Variants in DNAJC1 observed in about 807,000 individuals in gnomAD.
DNAJC1 encodes the protein dnaJ homolog subfamily C member 1.
Under a neutral mutation model 76.6 loss-of-function variants are expected in DNAJC1, and 58 were observed. The observed-to-expected ratio is 0.76, with a 90% confidence interval of 0.61 to 0.94. The LOEUF (loss-of-function observed/expected upper bound fraction) is 0.94, where lower values mean the gene tolerates loss of function less well. Among genes scored for constraint, DNAJC1 ranks in the 40% least tolerant of loss-of-function variants. DNAJC1 has a pLI of 0.00. For synonymous variants in DNAJC1, 258 were observed against 267.9 expected (o/e 0.96, Z 0.36); for missense variants, 689 against 677.3 (o/e 1.02, Z -0.19).
intron 10 of DNAJC1, among the ~76,000 whole-genome samples, chr10:21,760,093 A>AT (rs1310382794): frequency 6.6e-6 from 1 of 152,202 alleles, no homozygotes; most frequent in African/African-American, 2.4e-5. Flanking sequence ...TACAGTAAGA[A>AT]TTTTTAAACA....
chr10:21,937,705 T>C (rs1029634718), intron 1 of DNAJC1, among the ~76,000 whole-genome samples: 13 of 152,138 alleles, frequency 8.5e-5, no homozygotes, highest in African/African-American at 3.1e-4. Flanking sequence ...AGATATACCC[T>C]ATTTTAGGCT....
intron 1 of DNAJC1, among the ~76,000 whole-genome samples, chr10:21,946,671 C>T (rs1052833865): frequency 4.6e-5 from 7 of 152,014 alleles, no homozygotes; most frequent in Admixed American, 2.0e-4. Flanking sequence ...TAAGTACATA[C>T]GCAACAGAAA....
intron 9 of DNAJC1, among the ~76,000 whole-genome samples, chr10:21,781,444 G>A (rs903141608): frequency 3.3e-5 from 5 of 152,140 alleles, no homozygotes; most frequent in East Asian, 3.9e-4. Flanking sequence ...CTCACTCGCC[G>A]GGCGCGGTGG....
chr10:21,837,172 C>A (rs574472926), intron 8 of DNAJC1, among the ~76,000 whole-genome samples: 2 of 152,236 alleles, frequency 1.3e-5, no homozygotes, highest in Non-Finnish European at 2.9e-5. Context: ...CTCGGCCTCC[C>A]GAGGTGCCGG....
chr10:21,997,880 T>C (rs1484825635), intron 1 of DNAJC1, among the ~76,000 whole-genome samples: 1 of 152,186 alleles, frequency 6.6e-6, no homozygotes, highest in East Asian at 1.9e-4. Flanking sequence ...ATGAAGCACA[T>C]TTTCTAGCTA....
At chr10:21,987,099 G>A (rs372357905) in intron 1 of DNAJC1, among the ~76,000 whole-genome samples, 10 of 151,920 alleles carry the variant, frequency 6.6e-5, no homozygotes, top group Admixed American at 2.0e-4. Flanking sequence ...ATATCAATTC[G>A]GAAGCCAAAT....
chr10:21,811,164 T>TACCCC (rs1834959333), intron 8 of DNAJC1, among the ~76,000 whole-genome samples: 1 of 152,112 alleles, frequency 6.6e-6, no homozygotes, highest in African/African-American at 2.4e-5. Flanking sequence ...GCTCACGGGG[T>TACCCC]GACCCACCGC....
Position 21,876,150 on chromosome 10 carries a change from G to A in DNAJC1, c.978+6132C>T, listed in dbSNP as rs1836185131. 2.7e-5 allele frequency among the ~76,000 whole-genome samples: 4 copies of A among 149,474 alleles called. No individual in the cohort carries two copies. The South Asian group carries it at 8.5e-4, about 32-fold the overall frequency. On this transcript the variant is annotated intron_variant, in intron 8 of 11. Coordinates refer to ENST00000376980, the MANE Select transcript of DNAJC1 (RefSeq NM_022365.4). ...TTTTTTGAGACAGTCTTGCTCTGTC[G>A]CCTATGCTGGAGTGCAGTGGCATGA...
At chr10:21,802,352 T>C (rs1834823086) in intron 9 of DNAJC1, among the ~76,000 whole-genome samples, 4 of 152,140 alleles carry the variant, frequency 2.6e-5, no homozygotes, top group Admixed American at 2.0e-4. Flanking sequence ...ATAATAACTA[T>C]ATATTTAGTT....
chr10:21,943,000 T>G (rs1837444088), intron 1 of DNAJC1, among the ~76,000 whole-genome samples: 1 of 152,060 alleles, frequency 6.6e-6, no homozygotes, highest in Non-Finnish European at 1.5e-5. Flanking sequence ...CAAAAATGAT[T>G]TTTAAACACC....
At chr10:21,950,481 C>T (rs1837576285) in intron 1 of DNAJC1, among the ~76,000 whole-genome samples, 1 of 152,070 alleles carries the variant, frequency 6.6e-6, no homozygotes, top group Non-Finnish European at 1.5e-5. Flanking sequence ...CTCCGAGACA[C>T]AACAATATTG....
At chr10:21,838,185 G>A (rs1302509194) in intron 8 of DNAJC1, among the ~76,000 whole-genome samples, 4 of 152,224 alleles carry the variant, frequency 2.6e-5, no homozygotes, top group Non-Finnish European at 5.9e-5. Context: ...AATAGAAAAG[G>A]GGGAAATGTG....
At chr10:21,919,212 C>G (rs182309728) in intron 5 of DNAJC1, among the ~76,000 whole-genome samples, 67 of 152,078 alleles carry the variant, frequency 4.4e-4, no homozygotes, top group Non-Finnish European at 7.8e-4. Context: ...CTTATGATTA[C>G]TTCAGCTATA....
chr10:21,881,314 T>G (rs566016993), intron 8 of DNAJC1, among the ~76,000 whole-genome samples: 2 of 152,352 alleles, frequency 1.3e-5, no homozygotes, highest in East Asian at 3.9e-4. Context: ...TTAATTTCCT[T>G]CAAGAATGTG....
intron 9 of DNAJC1, among the ~76,000 whole-genome samples, chr10:21,775,685 C>T (rs1220255125): frequency 6.6e-6 from 1 of 152,118 alleles, no homozygotes; most frequent in East Asian, 1.9e-4. Flanking sequence ...TTTATTTTCT[C>T]AAATAGTACA....
At chr10:21,907,185 C>A (rs1036205260) in intron 6 of DNAJC1, among the ~76,000 whole-genome samples, 2 of 152,190 alleles carry the variant, frequency 1.3e-5, no homozygotes, top group African/African-American at 4.8e-5. Flanking sequence ...CTGAGGACTG[C>A]AATCCACCCA....
Position 21,877,979 on chromosome 10 carries a change from T to C in DNAJC1, c.978+4303A>G, listed in dbSNP as rs551930807. Among the ~76,000 whole-genome samples the C allele has an allele frequency of 3.3e-5, 5 of 152,370 alleles. No homozygotes were observed. In the South Asian group the frequency reaches 6.2e-4, roughly 19 times the overall value. On this transcript the variant is annotated intron_variant, in intron 8 of 11. Transcript: ENST00000376980. ...CAAAATCTTAAGGAAAATACCTTTATAGTAATGTACTGTATTTATCAATAC... is the reference window on the plus strand; with the variant it reads ...CAAAATCTTAAGGAAAATACCTTTACAGTAATGTACTGTATTTATCAATAC...
chr10:21,804,283 T>C (rs1019868493), intron 9 of DNAJC1, among the ~76,000 whole-genome samples: 8 of 152,138 alleles, frequency 5.3e-5, no homozygotes, highest in African/African-American at 1.9e-4. Context: ...AGAAGTTAAA[T>C]GTGGTGCAGT....
At chr10:21,964,708 GTTT>G (rs367817626) in intron 1 of DNAJC1, among the ~76,000 whole-genome samples, 1 of 133,936 alleles carries the variant, frequency 7.5e-6, no homozygotes, top group Non-Finnish European at 1.6e-5. Flanking sequence ...AAGTCTGTTG[GTTT>G]TTTTTTTTTT....
Sources: gnomAD v4.1 joint callset for allele counts (sites outside exome capture counted in the v4.1 genomes callset) on GRCh38, gnomAD v4.1.1 for gene constraint, MANE v1.5 for transcripts, NCBI Gene and HGNC (gene_info 2026-07-23, HGNC 2026-07-21) for gene names.